PRKAG2: variants seen among roughly 807,000 people sequenced by gnomAD.
The protein encoded by PRKAG2 is 5'-AMP-activated protein kinase subunit gamma-2.
PRKAG2 carries 26 observed loss-of-function variants against 69.6 expected under a neutral mutation model. The ratio of observed to expected loss-of-function variants is 0.37; its 90% CI spans 0.27 to 0.52. The LOEUF (loss-of-function observed/expected upper bound fraction) is 0.52. Ranked by LOEUF, PRKAG2 falls within the 20% of genes least tolerant of loss-of-function variation. PRKAG2 has a pLI of 0.90. For synonymous variants in PRKAG2, 293 were observed against 285.0 expected (o/e 1.03, Z -0.28); for missense variants, 557 against 740.0 (o/e 0.75, Z 2.87).
chr7:151,786,014 G>T (rs1370924519), intron 2 of PRKAG2, among the ~76,000 whole-genome samples: 1 of 152,242 alleles, frequency 6.6e-6, no homozygotes, highest in Non-Finnish European at 1.5e-5. Flanking sequence ...AAAAAGGCGT[G>T]TGGAGAGGGT....
In PRKAG2 at chr7:151,594,668, G is replaced by A. The variant is rs566084672; in HGVS notation, c.864+677C>T. Among the ~76,000 whole-genome samples the A allele has an allele frequency of 7.5e-4, 114 of 152,224 alleles. 2 individuals are homozygous for A. Among genetic ancestry groups the A allele is most frequent in the Non-Finnish European group, 6.5e-4 (44 of 68,024 alleles). On this transcript the variant is annotated intron_variant, in intron 6 of 15. Coordinates refer to ENST00000287878, the MANE Select transcript of PRKAG2 (RefSeq NM_016203.4). The stretch of plus-strand genomic sequence containing the variant: ...GAAAGACCATGAGGATATACTGAGC[G>A]AGGCCATACAGTTTAATAATGAACA...
At chr7:151,723,196 C>T (rs930117596) in intron 3 of PRKAG2, among the ~76,000 whole-genome samples, 2 of 152,150 alleles carry the variant, frequency 1.3e-5, no homozygotes, top group African/African-American at 4.8e-5. Context: ...TGCCCAGTTG[C>T]CCTGGTAAAA....
intron 15 of PRKAG2, chr7:151,558,002 C>G: frequency 8.1e-6 from 8 of 985,000 alleles, no homozygotes; most frequent in Non-Finnish European, 9.6e-6. Flanking sequence ...CTATTTTTCT[C>G]ATCACAGGAG....
chr7:151,757,141 C>T (rs1447744223), intron 3 of PRKAG2, among the ~76,000 whole-genome samples: 2 of 152,108 alleles, frequency 1.3e-5, no homozygotes, highest in South Asian at 2.1e-4. Context: ...TCCTCAGCCC[C>T]GGGAGCCCTT....
At chr7:151,762,833 T>C (rs1011871695) in intron 3 of PRKAG2, among the ~76,000 whole-genome samples, 2 of 152,154 alleles carry the variant, frequency 1.3e-5, no homozygotes, top group Admixed American at 6.5e-5. Flanking sequence ...AGACGGCACA[T>C]TCAGACACAT....
intron 1 of PRKAG2, among the ~76,000 whole-genome samples, chr7:151,826,821 C>T (rs901818783): frequency 6.6e-6 from 1 of 152,166 alleles, no homozygotes; most frequent in Non-Finnish European, 1.5e-5. Flanking sequence ...AACACCATTG[C>T]AATTCCATTT....
At chr7:151,695,070 T>C (rs992983896) in intron 3 of PRKAG2, among the ~76,000 whole-genome samples, 1 of 152,206 alleles carries the variant, frequency 6.6e-6, no homozygotes, top group Admixed American at 6.5e-5. Context: ...TCCGATGTGC[T>C]GTTGGAGGAA....
At chr7:151,661,147 G>C (rs1830250910) in intron 4 of PRKAG2, among the ~76,000 whole-genome samples, 1 of 152,212 alleles carries the variant, frequency 6.6e-6, no homozygotes, top group Admixed American at 6.5e-5. Context: ...ACCAATTCGT[G>C]AAAGAACTAG....
At chr7:151,736,259 A>G in intron 3 of PRKAG2, 1 of 1,321,194 alleles carries the variant, frequency 7.6e-7, no homozygotes, top group Non-Finnish European at 9.7e-7. Context: ...ACCTCCGGCC[A>G]CAGCAGCTGG....
intron 3 of PRKAG2, among the ~76,000 whole-genome samples, chr7:151,767,571 G>A (rs1048325484): frequency 2.6e-5 from 4 of 152,218 alleles, no homozygotes; most frequent in African/African-American, 7.2e-5. Flanking sequence ...GATTACAGGC[G>A]TGAGCCACCA....
intron 4 of PRKAG2, among the ~76,000 whole-genome samples, chr7:151,636,587 G>T (rs900545133): frequency 6.6e-6 from 1 of 152,094 alleles, no homozygotes. Context: ...TTTTGGCTGT[G>T]GTGAAAATGC....
At chr7:151,575,035 T>C in intron 7 of PRKAG2, 86 bp from the exon 8 acceptor site, 3 of 1,534,842 alleles carry the variant, frequency 2.0e-6, no homozygotes, top group Non-Finnish European at 1.8e-6. Flanking sequence ...GAATATATGC[T>C]AGAAGAGCTT....
chr7:151,594,084 G>C (rs188273737), intron 6 of PRKAG2, among the ~76,000 whole-genome samples: 2 of 152,242 alleles, frequency 1.3e-5, no homozygotes, highest in Admixed American at 1.3e-4. Context: ...GGAAGAGCCT[G>C]GAAGGATCAT....
chr7:151,864,345 G>A (rs1187992581), intron 1 of PRKAG2, among the ~76,000 whole-genome samples: 6 of 152,224 alleles, frequency 3.9e-5, no homozygotes, highest in East Asian at 1.9e-4. Flanking sequence ...CCAGCCATGC[G>A]ACGTGGCAGG....
chr7:151,633,490 A>G (rs1825179912), intron 4 of PRKAG2, among the ~76,000 whole-genome samples: 1 of 151,466 alleles, frequency 6.6e-6, no homozygotes, highest in South Asian at 2.1e-4. Context: ...CATGTTATCT[A>G]CATACAAAAT....
At chr7:151,793,767 C>A (rs965340715) in intron 1 of PRKAG2, among the ~76,000 whole-genome samples, 2 of 152,222 alleles carry the variant, frequency 1.3e-5, no homozygotes, top group Non-Finnish European at 2.9e-5. Context: ...ACGGGCAATT[C>A]TTGGTACTGA....
At chr7:151,586,808 T>C (rs1287106318) in intron 6 of PRKAG2, among the ~76,000 whole-genome samples, 1 of 152,236 alleles carries the variant, frequency 6.6e-6, no homozygotes, top group Non-Finnish European at 1.5e-5. Flanking sequence ...CTTCCCTTTG[T>C]GCCTCTTAAT....
At chr7:151,664,308 A>T (rs1830723526) in intron 4 of PRKAG2, among the ~76,000 whole-genome samples, 1 of 152,150 alleles carries the variant, frequency 6.6e-6, no homozygotes, top group Non-Finnish European at 1.5e-5. Flanking sequence ...CCTCACAGCA[A>T]CCCTGTGAGA....
intron 3 of PRKAG2, among the ~76,000 whole-genome samples, chr7:151,705,964 T>C (rs571003270): frequency 1.3e-5 from 2 of 150,604 alleles, no homozygotes; most frequent in East Asian, 2.0e-4. Context: ...TTGTTGAGGG[T>C]AGAACTTCAA....
Sources: gnomAD v4.1 joint callset for allele counts (sites outside exome capture counted in the v4.1 genomes callset) on GRCh38, gnomAD v4.1.1 for gene constraint, MANE v1.5 for transcripts, NCBI Gene and HGNC (gene_info 2026-07-23, HGNC 2026-07-21) for gene names.